Variants in BDH1 observed in about 807,000 individuals in gnomAD.
BDH1 encodes 3-hydroxybutyrate dehydrogenase 1.
Under a neutral mutation model 33.1 loss-of-function variants are expected in BDH1, and 30 were observed. The observed-to-expected ratio is 0.91, with a 90% CI of 0.68 to 1.23. BDH1 has a LOEUF of 1.23. Among genes scored for constraint, BDH1 ranks in the 50% most tolerant of loss-of-function variants. BDH1 has a pLI of 0.00. For missense variants in BDH1, 443 were observed against 464.4 expected (o/e 0.95, Z 0.42); for synonymous variants, 190 against 183.6 (o/e 1.03, Z -0.28).
Position 197,514,246 on chromosome 3 carries a change from G to C in BDH1, c.562+18C>G. On this transcript the variant is annotated intron_variant, in intron 7 of 7. Transcript: ENST00000392379. This position sits in a 1 kb window ranked among gnomAD's most constrained non-coding sequence, Gnocchi z 4.2. ...GGGGCAGGTTCAGGGGCAGGAGGGA[G>C]CTCCCTTTCCCACTCACCTTTGGCC... 3 of 1,602,632 alleles carry C rather than the reference G, an allele frequency of 1.9e-6. No homozygotes were observed. Among genetic ancestry groups the C allele is most frequent in the Non-Finnish European group, 2.6e-6 (3 of 1,172,580 alleles).
chr3:197,528,447 A>T lies in BDH1; in HGVS notation c.267+3965T>A, dbSNP rs908936512. On this transcript the variant is annotated intron_variant, in intron 5 of 7. Transcript: ENST00000392379. The surrounding 1 kb of genome is among the most constrained non-coding windows in gnomAD (Gnocchi z 5.1). Reference sequence around the variant, plus strand: ...AAGGCAATGAGATATGAGAGATAAGAGGAACACTAATTCTGAACAAGAGCA... The same window carrying T: ...AAGGCAATGAGATATGAGAGATAAGTGGAACACTAATTCTGAACAAGAGCA... The T allele has an allele frequency of 6.6e-6, 1 of 152,144 alleles. No homozygotes were observed. The highest frequency in any genetic ancestry group is 2.4e-5 in the African/African-American group (1 of 41,412). The allele number at this position is 152,144 out of a possible 1,614,324, so 9.4% of individuals were successfully genotyped here.
rs779572050 is a variant in BDH1 at position 197,520,212 on chromosome 3, G to A, written c.409+2428C>T. On this transcript the variant is annotated intron_variant, in intron 6 of 7. Coordinates refer to ENST00000392379, the MANE Select transcript of BDH1 (RefSeq NM_203314.3). The surrounding 1 kb of genome is among the most constrained non-coding windows in gnomAD (Gnocchi z 6.0). ...GGAGACGGGAAGAAAGCGAGAGCAG[G>A]AGATGGGGGACACGCCACTGCATAT... 1.3e-5 allele frequency among the ~76,000 whole-genome samples: 2 copies of A among 152,144 alleles called. No homozygotes were observed. Among genetic ancestry groups the A allele is most frequent in the Non-Finnish European group, 2.9e-5 (2 of 68,028 alleles).
At chr3:197,539,160 T>G (rs1200129584) in intron 3 of BDH1, among the ~76,000 whole-genome samples, 1 of 152,108 alleles carries the variant, frequency 6.6e-6, no homozygotes, top group African/African-American at 2.4e-5. Flanking sequence ...TGAGTTATAT[T>G]TTTTTGAGAT....
chr3:197,517,409 C>T (rs1440781609), intron 6 of BDH1, among the ~76,000 whole-genome samples: 1 of 91,204 alleles, frequency 1.1e-5, no homozygotes, highest in East Asian at 3.8e-4. Flanking sequence ...CTGACCCCCC[C>T]ACCCCATCAG....
At position 197,510,683 on chromosome 3, in the gene BDH1, A is replaced by AGG. The variant is rs1294368826; in HGVS notation, c.*1210_*1211dup. The AGG allele has an allele frequency of 2.6e-5, 1 of 38,560 alleles. No homozygotes were observed. The highest frequency in any genetic ancestry group is 5.5e-5 in the Non-Finnish European group (1 of 18,210). The allele number at this position is 38,560 out of a possible 1,614,324, so 2.4% of individuals were successfully genotyped here. On this transcript the variant is annotated 3_prime_UTR_variant, in exon 8 of 8. Transcript: ENST00000392379. ...GTGTGTGTGTGTGTACATGTGTGTA[A>AGG]GGTGTGTGTGTGTGTGTGTGTGTGT...
intron 2 of BDH1, among the ~76,000 whole-genome samples, chr3:197,553,396 G>A (rs573724340): frequency 2.0e-5 from 3 of 151,238 alleles, no homozygotes; most frequent in African/African-American, 7.3e-5. Context: ...GGGTGTGGTC[G>A]CTCGCGCCTG....
intron 6 of BDH1, among the ~76,000 whole-genome samples, chr3:197,515,009 T>C (rs1048781501): frequency 6.6e-6 from 1 of 152,160 alleles, no homozygotes; most frequent in East Asian, 1.9e-4. Context: ...CAGTGTTTGG[T>C]CTCCCGGGCC....
Position 197,521,804 on chromosome 3 carries a change from C to T in BDH1, c.409+836G>A, listed in dbSNP as rs570171313. 6.6e-6 allele frequency among the ~76,000 whole-genome samples: 1 copy of T among 152,336 alleles called. No homozygotes were observed. Among genetic ancestry groups the T allele is most frequent in the Admixed American group, 6.5e-5 (1 of 15,306 alleles). ...TTTCCCAACACCTACCACCCTAGTT[C>T]CGGAGTCCAGAACCCATGTTTAACT... On this transcript the variant is annotated intron_variant, in intron 6 of 7. Coordinates refer to ENST00000392379, the MANE Select transcript of BDH1 (RefSeq NM_203314.3). The surrounding 1 kb of genome is among the most constrained non-coding windows in gnomAD (Gnocchi z 4.9).
chr3:197,551,107 A>T (rs1716531899), intron 2 of BDH1, among the ~76,000 whole-genome samples: 1 of 152,218 alleles, frequency 6.6e-6, no homozygotes, highest in African/African-American at 2.4e-5. Flanking sequence ...ATGTGCAATT[A>T]AATGATCATT....
chr3:197,533,171 TG>T (rs1435056947), intron 4 of BDH1, among the ~76,000 whole-genome samples: 3 of 152,144 alleles, frequency 2.0e-5, no homozygotes, highest in Admixed American at 6.5e-5. Context: ...GCCACCGCCC[TG>T]GGCCTCCGGA....
chr3:197,536,568 T>C (rs766998779), intron 3 of BDH1, among the ~76,000 whole-genome samples: 1 of 152,162 alleles, frequency 6.6e-6, no homozygotes, highest in Non-Finnish European at 1.5e-5. Flanking sequence ...CGGCCGGGCA[T>C]GGTGGGTCAT....
upstream of BDH1, among the ~76,000 whole-genome samples, chr3:197,557,086 C>G (rs1288715787): frequency 6.6e-6 from 1 of 152,228 alleles, no homozygotes; most frequent in Non-Finnish European, 1.5e-5. The surrounding 1 kb of genome is among the most constrained non-coding windows in gnomAD (Gnocchi z 4.6). Flanking sequence ...CCATTTGTCT[C>G]TCATCTACCT....
rs1157051766 is a variant in BDH1, at chr3:197,512,085, AT to A, written c.841del (p.Ile281SerfsTer26). ...GCTGCAGTAGGTCTCCATCTTGGCG[AT>A]CTTTTCATCAAAGTACTTCTTGCCG... ...DYGKKYFDEKIAKMETYCSSG... is the reference protein window; with the variant it reads ...DYGKKYFDEKXAKMETYCSSG... On this transcript the variant is annotated frameshift_variant, in exon 8 of 8. Transcript: ENST00000392379. LOFTEE classifies it high-confidence loss of function. 6.2e-7 allele frequency: 1 copy of A among 1,614,028 alleles called. No homozygotes were observed. Among genetic ancestry groups the A allele is most frequent in the African/African-American group, 1.3e-5 (1 of 74,914 alleles).
At chr3:197,564,376 G>GA (rs1018298800) in intron 1 of BDH1, among the ~76,000 whole-genome samples, 27 of 150,804 alleles carry the variant, frequency 1.8e-4, no homozygotes, top group African/African-American at 5.7e-4. Flanking sequence ...TTTGCTTAGG[G>GA]AAAAAACTGA....
At position 197,514,790 on chromosome 3, in the gene BDH1, G is replaced by T. The variant is rs996022500; in HGVS notation, c.410-374C>A. Among the ~76,000 whole-genome samples the T allele has an allele frequency of 6.6e-6, 1 of 152,032 alleles. No individual in the cohort carries two copies. The highest frequency in any genetic ancestry group is 2.4e-5 in the African/African-American group (1 of 41,386). On this transcript the variant is annotated intron_variant, in intron 6 of 7. Transcript: ENST00000392379. The surrounding 1 kb of genome is among the most constrained non-coding windows in gnomAD (Gnocchi z 4.2). ...ACCCTGAGTTTGAGTTTCACGCCCCGTTCCTGTTTACTCATCTCTGCCCTT... is the reference window on the plus strand; with the variant it reads ...ACCCTGAGTTTGAGTTTCACGCCCCTTTCCTGTTTACTCATCTCTGCCCTT...
At chr3:197,551,510 T>C (rs568193931) in intron 2 of BDH1, among the ~76,000 whole-genome samples, 2 of 152,218 alleles carry the variant, frequency 1.3e-5, no homozygotes, top group Non-Finnish European at 2.9e-5. Context: ...TCTTAGCTAT[T>C]GTAAAAAGTG....
intron 4 of BDH1, 70 bp from the exon 5 acceptor site, chr3:197,532,592 C>A: frequency 3.5e-6 from 4 of 1,142,194 alleles, no homozygotes; most frequent in East Asian, 2.4e-5. Flanking sequence ...GCCTCTCCAC[C>A]CTCTGTGCAG....
Position 197,512,154 on chromosome 3 carries a change from T to C in BDH1, c.773A>G (p.Lys258Arg), listed in dbSNP as rs1385807197. 2 of 1,614,210 alleles carry C rather than the reference T, an allele frequency of 1.2e-6. No homozygotes were observed. The highest frequency in any genetic ancestry group is 1.3e-5 in the African/African-American group (1 of 75,052). The change falls in exon 8 of 8, where the codon AAG (lysine) becomes AGG (arginine). Residue 258 changes from lysine to arginine, a missense_variant. Lys to Arg is a conservative substitution (Grantham distance 26). Transcript: ENST00000392379. Reference protein sequence around the residue: ...YSPESIQAIAKKMWEELPEVV... With the variant: ...YSPESIQAIARKMWEELPEVV... ...CTCAGGCAGCTCCTCCCACATCTTC[T>C]TGGCGATGGCCTGAATGCTCTCAGG...
intron 5 of BDH1, among the ~76,000 whole-genome samples, chr3:197,527,329 C>G (rs1453501408): frequency 1.3e-5 from 2 of 152,178 alleles, no homozygotes; most frequent in Non-Finnish European, 2.9e-5. Context: ...CTGGGTTGAG[C>G]ATGATGTGGT....
Sources: allele counts gnomAD v4.1 joint callset (sites outside exome capture counted in the v4.1 genomes callset), GRCh38; gene constraint gnomAD v4.1.1; non-coding constraint Gnocchi (gnomAD v3.1); transcripts MANE v1.5; gene names NCBI Gene and HGNC (gene_info 2026-07-23, HGNC 2026-07-21).